Variants in RFX4 observed in about 807,000 individuals in gnomAD.
The protein encoded by RFX4 is regulatory factor X4.
A neutral mutation model predicts 95.0 loss-of-function variants in RFX4; 10 were observed. The ratio of observed to expected loss-of-function variants is 0.11; its 90% CI spans 0.06 to 0.18. RFX4 has a LOEUF of 0.18. RFX4 is among the 10% of genes least tolerant of loss of function. The pLI is 1.00. For synonymous variants in RFX4, 321 were observed against 340.7 expected, an observed-to-expected ratio of 0.94 and a Z score of 0.64; for missense variants, 640 against 922.0, an observed-to-expected ratio of 0.69 and a Z score of 3.96.
intron 2 of RFX4, among the ~76,000 whole-genome samples, chr12:106,624,663 G>T (rs2040254900): frequency 6.6e-6 from 1 of 152,036 alleles, no homozygotes; most frequent in Non-Finnish European, 1.5e-5. Flanking sequence ...TGTTGGGCGG[G>T]GCGGAGGGGG....
At chr12:106,740,602 C>T (rs1000164103) in intron 15 of RFX4, among the ~76,000 whole-genome samples, 6 of 152,124 alleles carry the variant, frequency 3.9e-5, no homozygotes, top group East Asian at 1.9e-4. Context: ...ATATATATTT[C>T]GTGTCTAATT....
intron 2 of RFX4, among the ~76,000 whole-genome samples, chr12:106,629,135 A>G (rs1265492525): frequency 1.3e-5 from 2 of 152,164 alleles, no homozygotes; most frequent in Non-Finnish European, 2.9e-5. Context: ...ACTTAATAAT[A>G]AAAACCAGAA....
chr12:106,720,087 G>A lies in RFX4; in HGVS notation c.1233+33G>A. ...AACCGGCACCTAGCGGGCAGCCTTGGGCCCTGCAGCCCACCACTGCCCTCT... is the reference window on the plus strand; with the variant it reads ...AACCGGCACCTAGCGGGCAGCCTTGAGCCCTGCAGCCCACCACTGCCCTCT... On this transcript the variant is annotated intron_variant, in intron 12 of 17. Transcript: ENST00000392842. This position sits in a 1 kb window ranked among gnomAD's most constrained non-coding sequence, Gnocchi z 4.2. 1 of 1,571,234 alleles carries A rather than the reference G, an allele frequency of 6.4e-7. No individual in the cohort carries two copies. Among genetic ancestry groups the A allele is most frequent in the Non-Finnish European group, 8.8e-7 (1 of 1,141,614 alleles).
At chr12:106,739,125 C>CAGAAAGAAAGAA (rs55743965) in intron 15 of RFX4, among the ~76,000 whole-genome samples, 1,748 of 149,142 alleles carry the variant, frequency 0.012, 10 homozygotes, top group East Asian at 0.032. Context: ...GGACCAAAAC[C>CAGAAAGAAAGAA]AGAAAGAAAG....
chr12:106,728,662 G>C lies in RFX4; in HGVS notation c.1352-3468G>C, dbSNP rs371572520. 2.4e-4 allele frequency among the ~76,000 whole-genome samples: 36 copies of C among 152,236 alleles called. No individual in the cohort carries two copies. The East Asian group carries it at 2.7e-3, about 11-fold the overall frequency. ...CTCCTCTTGTCTTTGGTGTCTCTCT[G>C]TCTCTCTCATCAGTCTTTCTGTATC... On this transcript the variant is annotated intron_variant, in intron 13 of 17. Coordinates refer to ENST00000392842, the MANE Select transcript of RFX4 (RefSeq NM_213594.3).
At chr12:106,728,369 G>C (rs138509376) in intron 13 of RFX4, among the ~76,000 whole-genome samples, 1 of 151,166 alleles carries the variant, frequency 6.6e-6, no homozygotes, top group Non-Finnish European at 1.5e-5. Context: ...TACTTAGCGC[G>C]GTGCATATGG....
chr12:106,723,990 A>C (rs1048125216), intron 13 of RFX4, among the ~76,000 whole-genome samples: 2 of 152,202 alleles, frequency 1.3e-5, no homozygotes, highest in Non-Finnish European at 2.9e-5. Flanking sequence ...TCTTTAGGTA[A>C]AAGAAAATTA....
chr12:106,662,672 T>C (rs2041097958), intron 4 of RFX4, among the ~76,000 whole-genome samples: 1 of 152,188 alleles, frequency 6.6e-6, no homozygotes, highest in Middle Eastern at 3.2e-3. Context: ...CTATGTTGTC[T>C]TCTAGGTGTT....
intron 2 of RFX4, among the ~76,000 whole-genome samples, chr12:106,616,784 G>A (rs1422837179): frequency 5.9e-5 from 9 of 151,724 alleles, no homozygotes; most frequent in Non-Finnish European, 8.8e-5. Context: ...TTTTTGAGAC[G>A]GAGTCTCATT....
intron 4 of RFX4, among the ~76,000 whole-genome samples, chr12:106,662,937 AATACC>A (rs2041103883): frequency 6.6e-6 from 1 of 152,076 alleles, no homozygotes; most frequent in Admixed American, 6.6e-5. Flanking sequence ...TTCTTTTCCC[AATACC>A]ATACTGTCTT....
chr12:106,630,589 G>A (rs2040399527), intron 2 of RFX4, among the ~76,000 whole-genome samples: 1 of 152,194 alleles, frequency 6.6e-6, no homozygotes, highest in Non-Finnish European at 1.5e-5. Context: ...TGAAACGTTT[G>A]GCAGCCCCAT....
At chr12:106,667,877 A>T (rs895449884) in intron 4 of RFX4, among the ~76,000 whole-genome samples, 1 of 152,202 alleles carries the variant, frequency 6.6e-6, no homozygotes, top group East Asian at 1.9e-4. Context: ...CCATTTAAAG[A>T]TGAGGTAGTT....
At chr12:106,760,640 C>G (rs1240025550) in intron 17 of RFX4, among the ~76,000 whole-genome samples, 1 of 152,206 alleles carries the variant, frequency 6.6e-6, no homozygotes, top group African/African-American at 2.4e-5. Context: ...AAATTGTTGA[C>G]TTGCTTCCTC....
intron 2 of RFX4, among the ~76,000 whole-genome samples, chr12:106,620,589 G>A (rs1174282774): frequency 6.6e-6 from 1 of 151,910 alleles, no homozygotes; most frequent in Non-Finnish European, 1.5e-5. Context: ...AGATCACAAG[G>A]CAAAGGGCAA....
intron 4 of RFX4, among the ~76,000 whole-genome samples, chr12:106,674,397 C>G (rs902269720): frequency 1.3e-5 from 2 of 148,460 alleles, no homozygotes; most frequent in Admixed American, 6.8e-5. Context: ...GCGGTGTGAT[C>G]TCGGCTCACT....
In RFX4 at chr12:106,654,259, G is replaced by T; in HGVS notation, c.223G>T (p.Val75Phe). The change falls in exon 4 of 18, where the codon GTC (valine) becomes TTC (phenylalanine). Residue 75 changes from valine (V) to phenylalanine (F), a missense_variant. Val to Phe is a conservative substitution (Grantham distance 50). This residue lies in a region of RFX4 where 89 missense variants were observed against 173.8 expected (regional missense o/e 0.51). Coordinates refer to ENST00000392842, the MANE Select transcript of RFX4 (RefSeq NM_213594.3). ...GGAGAACTATGAGATTGCAGAGGGG[G>T]TCTGCATCCCTCGCAGTGCCCTCTA... ...LEENYEIAEG[V>F]CIPRSALYMH... The T allele has an allele frequency of 1.2e-6, 2 of 1,613,950 alleles. No homozygotes were observed. Among genetic ancestry groups the T allele is most frequent in the Admixed American group, 1.7e-5 (1 of 60,022 alleles).
At chr12:106,727,141 A>T (rs1444822897) in intron 13 of RFX4, among the ~76,000 whole-genome samples, 1 of 152,166 alleles carries the variant, frequency 6.6e-6, no homozygotes, top group Admixed American at 6.5e-5. Context: ...TAGTGGCAAA[A>T]TTTTTTAAAT....
At chr12:106,737,535 T>A (rs2042735872) in intron 15 of RFX4, among the ~76,000 whole-genome samples, 1 of 152,042 alleles carries the variant, frequency 6.6e-6, no homozygotes, top group African/African-American at 2.4e-5. Context: ...ATGTTATTTT[T>A]AGGAAACTTA....
intron 2 of RFX4, among the ~76,000 whole-genome samples, chr12:106,628,023 G>A (rs1013774177): frequency 2.0e-5 from 3 of 152,206 alleles, no homozygotes; most frequent in Non-Finnish European, 4.4e-5. Context: ...TTTAGTGCTG[G>A]CTGGGAACCC....
Sources: gnomAD v4.1 joint callset for allele counts (sites outside exome capture counted in the v4.1 genomes callset) on GRCh38, gnomAD v4.1.1 for gene constraint, gnomAD v4.1.1 regional missense constraint, Gnocchi (gnomAD v3.1) non-coding constraint, MANE v1.5 for transcripts, NCBI Gene and HGNC (gene_info 2026-07-23, HGNC 2026-07-21) for gene names.